The following TBL1Y variants were observed in gnomAD, a reference collection of about 807,000 sequenced individuals.
TBL1Y encodes the protein F-box-like/WD repeat-containing protein TBL1Y.
Under a neutral mutation model 12.0 loss-of-function variants are expected in TBL1Y, and 15 were observed. The ratio of observed to expected loss-of-function variants is 1.25; its 90% CI spans 0.83 to 1.92. The LOEUF is 1.92. Ranked by LOEUF, TBL1Y falls within the 40% of genes most tolerant of loss-of-function variation. TBL1Y has a pLI of 0.00. For synonymous variants in TBL1Y, 53 were observed against 42.6 expected, an observed-to-expected ratio of 1.24 and a Z score of -0.95; for missense variants, 148 against 116.7, an observed-to-expected ratio of 1.27 and a Z score of -1.24.
At chrY:6,923,121 C>G in intron 2 of TBL1Y, among the ~76,000 whole-genome samples, 1 of 33,222 alleles carries the variant, frequency 3.0e-5, no homozygotes, top group Admixed American at 2.7e-4. Flanking sequence ...TGTAGCCACC[C>G]CTCAGTGCGA....
At chrY:7,066,153 A>G (rs772431264) in intron 8 of TBL1Y, among the ~76,000 whole-genome samples, 62 of 33,423 alleles carry the variant, frequency 1.9e-3, no homozygotes, top group Admixed American at 8.3e-3. Context: ...TCCTCCTCCA[A>G]TGGACACCTT....
chrY:6,927,319 G>T (rs2011834046), intron 2 of TBL1Y, among the ~76,000 whole-genome samples: 1 of 33,192 alleles, frequency 3.0e-5, no homozygotes, highest in African/African-American at 1.2e-4. Flanking sequence ...CTGCCTCCCA[G>T]GTTCAAGGGA....
intron 3 of TBL1Y, among the ~76,000 whole-genome samples, chrY:6,994,128 T>G: frequency 3.0e-5 from 1 of 33,420 alleles, no homozygotes; most frequent in African/African-American, 1.2e-4. Context: ...AACTGAGTTC[T>G]TGATTAAATA....
chrY:6,995,360 C>T, intron 3 of TBL1Y, among the ~76,000 whole-genome samples: 1 of 32,853 alleles, frequency 3.0e-5, no homozygotes, highest in Admixed American at 2.8e-4. Flanking sequence ...AAGCTGGTTA[C>T]GTGACCATAC....
chrY:6,936,304 T>C (rs1018815213), intron 2 of TBL1Y, among the ~76,000 whole-genome samples: 1 of 34,180 alleles, frequency 2.9e-5, no homozygotes, highest in African/African-American at 1.1e-4. Flanking sequence ...TCAGGTGATA[T>C]AGGCTTGTAG....
At chrY:6,995,053 G>T in intron 3 of TBL1Y, among the ~76,000 whole-genome samples, 1 of 32,629 alleles carries the variant, frequency 3.1e-5, no homozygotes, top group Non-Finnish European at 7.6e-5. Context: ...GGTGTTGCTG[G>T]TGGTCCTTGG....
chrY:6,976,743 T>C (rs2012244666), intron 2 of TBL1Y, among the ~76,000 whole-genome samples: 1 of 33,635 alleles, frequency 3.0e-5, no homozygotes, highest in East Asian at 7.9e-4. Flanking sequence ...GCTAACTTTG[T>C]TGGGAGAGTT....
intron 7 of TBL1Y, among the ~76,000 whole-genome samples, chrY:7,050,233 C>T: frequency 9.1e-5 from 3 of 32,830 alleles, no homozygotes; most frequent in South Asian, 6.9e-4. Flanking sequence ...TGGTGGCTCA[C>T]GCCTATAATT....
chrY:7,063,007 C>G, intron 7 of TBL1Y, among the ~76,000 whole-genome samples: 1 of 32,710 alleles, frequency 3.1e-5, no homozygotes, highest in Non-Finnish European at 7.5e-5. Flanking sequence ...AGGTAGGATG[C>G]TGGCAAGTTT....
intron 3 of TBL1Y, among the ~76,000 whole-genome samples, chrY:6,991,884 A>C: frequency 2.9e-5 from 1 of 34,326 alleles, no homozygotes; most frequent in Non-Finnish European, 7.3e-5. Context: ...TGCTTCAGCT[A>C]GTTTTCTCGT....
At chrY:7,024,557 G>A in intron 5 of TBL1Y, among the ~76,000 whole-genome samples, 1 of 33,225 alleles carries the variant, frequency 3.0e-5, no homozygotes, top group Non-Finnish European at 7.4e-5. Context: ...CAAGAAGTTT[G>A]TGTTCGTATC....
In TBL1Y at chrY:7,085,908, A is replaced by C. The variant is rs760162963; in HGVS notation, c.1088A>C (p.Asn363Thr). The change falls in exon 15 of 19, where the codon AAT becomes ACT. Residue 363 changes from asparagine to threonine, a missense_variant. Transcript: ENST00000383032. ...TCCGCTCTGTTTCAGAACGAGGTCA[A>C]TGCCATCAAATGGGATCCTTCTGGA... is the stretch of plus-strand genomic sequence containing the variant. ...KTFQGHTNEV[N>T]AIKWDPSGML... The C allele has an allele frequency of 2.5e-6, 1 of 395,334 alleles. No homozygotes were observed. The highest frequency in any genetic ancestry group is 6.5e-5 in the African/African-American group (1 of 15,423).
At chrY:7,051,254 C>A in intron 7 of TBL1Y, among the ~76,000 whole-genome samples, 5 of 33,851 alleles carry the variant, frequency 1.5e-4, no homozygotes, top group Non-Finnish European at 2.9e-4. Flanking sequence ...CTAATCCCAA[C>A]ACTTGGGGAG....
chrY:7,015,842 C>A (rs2012545843), intron 4 of TBL1Y, among the ~76,000 whole-genome samples: 1 of 34,132 alleles, frequency 2.9e-5, no homozygotes, highest in Non-Finnish European at 7.3e-5. Context: ...GAAGAGCATG[C>A]CTTGGCAAAC....
intron 6 of TBL1Y, among the ~76,000 whole-genome samples, chrY:7,042,248 G>A: frequency 3.1e-5 from 1 of 32,171 alleles, no homozygotes; most frequent in Non-Finnish European, 7.5e-5. Flanking sequence ...GCTTGCAGGG[G>A]GTGACACAGA....
chrY:6,965,409 GGAC>G (rs2012162000), intron 2 of TBL1Y, among the ~76,000 whole-genome samples: 5 of 32,578 alleles, frequency 1.5e-4, no homozygotes, highest in African/African-American at 6.0e-4. Context: ...CAGCTTTCAG[GGAC>G]ATCAGAAACT....
chrY:6,979,299 G>A, intron 3 of TBL1Y, among the ~76,000 whole-genome samples: 2 of 33,362 alleles, frequency 6.0e-5, no homozygotes, highest in African/African-American at 1.2e-4. Flanking sequence ...AAGTTTGTGC[G>A]TCTTTAGTGT....
intron 6 of TBL1Y, among the ~76,000 whole-genome samples, chrY:7,037,564 G>A (rs2012700392): frequency 6.0e-5 from 2 of 33,231 alleles, no homozygotes; most frequent in South Asian, 1.4e-3. Context: ...AAAGCAGGTC[G>A]GCACACTTTT....
chrY:7,064,682 G>C, intron 8 of TBL1Y, among the ~76,000 whole-genome samples: 1 of 33,480 alleles, frequency 3.0e-5, no homozygotes, highest in Non-Finnish European at 7.4e-5. Flanking sequence ...GCCCCACTTG[G>C]ACATACTACT....
Sources: gnomAD v4.1 joint callset for allele counts (sites outside exome capture counted in the v4.1 genomes callset) on GRCh38, gnomAD v4.1.1 for gene constraint, MANE v1.5 for transcripts, NCBI Gene and HGNC (gene_info 2026-07-23, HGNC 2026-07-21) for gene names.